CCNJL: variants seen among roughly 807,000 people sequenced by gnomAD.
CCNJL encodes the protein cyclin-J-like protein.
A neutral mutation model predicts 33.4 loss-of-function variants in CCNJL; 33 were observed. The ratio of observed to expected loss-of-function variants is 0.99; its 90% confidence interval spans 0.75 to 1.32. The LOEUF is 1.32. CCNJL is among the 40% of genes most tolerant of loss of function. CCNJL has a pLI of 0.00. For missense variants in CCNJL, 512 were observed against 499.7 expected (o/e 1.02, Z -0.23); for synonymous variants, 227 against 220.9 (o/e 1.03, Z -0.24).
chr5:160,255,812 A>T (rs1046102665), intron 4 of CCNJL, 104 bp from the exon 5 acceptor site: 3 of 947,978 alleles, frequency 3.2e-6, no homozygotes, highest in Non-Finnish European at 4.9e-6. Context: ...AAGGCTTTTC[A>T]TCGCTGCCCT....
intron 2 of CCNJL, among the ~76,000 whole-genome samples, chr5:160,282,193 A>G (rs1399617524): frequency 6.6e-6 from 1 of 152,168 alleles, no homozygotes. Context: ...CTAGAAAGGG[A>G]TATCTGCTCA....
Position 160,307,146 on chromosome 5 carries a change from G to T in CCNJL, c.66+4712C>A, listed in dbSNP as rs1316316754. 2.0e-5 allele frequency among the ~76,000 whole-genome samples: 3 copies of T among 152,216 alleles called. No homozygotes were observed. In the East Asian group the frequency reaches 5.8e-4, roughly 29 times the overall value. ...CATTTCCCAGAAGAGTCCATTTGGG[G>T]CTGTCTCACTCTTTTGTGCACTCCC... On this transcript the variant is annotated intron_variant, in intron 2 of 5. Transcript: ENST00000257536.
intron 4 of CCNJL, 69 bp downstream of exon 4, chr5:160,259,400 C>A (rs1443158714): frequency 7.6e-6 from 11 of 1,451,224 alleles, no homozygotes; most frequent in Non-Finnish European, 1.0e-5. Context: ...CCTTTTAGAG[C>A]CGCCTGACCC....
At chr5:160,258,478 T>C (rs1761169413) in intron 4 of CCNJL, 8 of 1,237,396 alleles carry the variant, frequency 6.5e-6, no homozygotes, top group East Asian at 2.3e-5. Flanking sequence ...GCATCAGATC[T>C]TGCCTAAAGA....
At chr5:160,272,060 C>T (rs1364987667) in intron 3 of CCNJL, among the ~76,000 whole-genome samples, 1 of 152,194 alleles carries the variant, frequency 6.6e-6, no homozygotes, top group Admixed American at 6.5e-5. Flanking sequence ...CAATTAGAGC[C>T]GTGGAGGCAT....
In CCNJL at chr5:160,311,766, G is replaced by C. The variant is rs1421808251; in HGVS notation, c.66+92C>G. 22 of 1,229,994 alleles carry C rather than the reference G, an allele frequency of 1.8e-5. 1 individual carries two copies. Among genetic ancestry groups the C allele is most frequent in the Non-Finnish European group, 2.6e-5 (22 of 831,302 alleles). The allele number at this position is 1,229,994 out of a possible 1,614,324, so 76.2% of individuals were successfully genotyped here. On this transcript the variant is annotated intron_variant, in intron 2 of 5. Transcript: ENST00000257536. ...GGAAAAAAAGGCACCCGGGAGTTCT[G>C]AGTTCCCACGCAGGCGACCTGAGAA...
intron 3 of CCNJL, among the ~76,000 whole-genome samples, chr5:160,263,381 G>C (rs1235185932): frequency 6.6e-6 from 1 of 152,158 alleles, no homozygotes; most frequent in East Asian, 1.9e-4. Flanking sequence ...TATAACCTTT[G>C]TTTTGTGTTT....
chr5:160,279,943 T>C (rs892318744), intron 3 of CCNJL, among the ~76,000 whole-genome samples: 1 of 152,216 alleles, frequency 6.6e-6, no homozygotes, highest in East Asian at 1.9e-4. Flanking sequence ...GACAGACAGA[T>C]GGTCAAAGCT....
At chr5:160,260,097 T>C (rs1248971486) in intron 3 of CCNJL, among the ~76,000 whole-genome samples, 1 of 152,192 alleles carries the variant, frequency 6.6e-6, no homozygotes, top group Non-Finnish European at 1.5e-5. Flanking sequence ...CAGACAAGCC[T>C]CTGGAACACA....
intron 3 of CCNJL, among the ~76,000 whole-genome samples, chr5:160,278,131 T>C (rs1050147934): frequency 6.6e-6 from 1 of 152,170 alleles, no homozygotes; most frequent in Non-Finnish European, 1.5e-5. Context: ...GGTCTCAAAC[T>C]TCTGACCTCA....
intron 1 of CCNJL, among the ~76,000 whole-genome samples, chr5:160,330,592 G>A (rs73819831): frequency 0.028 from 4,249 of 152,244 alleles, 191 homozygotes; most frequent in African/African-American, 0.096. Flanking sequence ...CTGGCCACCA[G>A]GTCACCCCTG....
chr5:160,307,426 A>G (rs541092593), intron 2 of CCNJL, among the ~76,000 whole-genome samples: 33 of 152,264 alleles, frequency 2.2e-4, no homozygotes, highest in African/African-American at 7.7e-4. Flanking sequence ...CATACCATCC[A>G]ATGCTCTCGT....
chr5:160,293,613 C>A (rs1369998871), intron 2 of CCNJL, among the ~76,000 whole-genome samples: 5 of 152,020 alleles, frequency 3.3e-5, no homozygotes, highest in African/African-American at 1.2e-4. Context: ...ATGTCCACTT[C>A]TCTCTCTCTC....
At chr5:160,298,769 C>T (rs995978198) in intron 2 of CCNJL, among the ~76,000 whole-genome samples, 8 of 152,024 alleles carry the variant, frequency 5.3e-5, no homozygotes, top group Non-Finnish European at 8.8e-5. Flanking sequence ...ACAACATTAG[C>T]GAAGTGTATA....
intron 1 of CCNJL, among the ~76,000 whole-genome samples, chr5:160,325,013 C>A (rs1020719325): frequency 2.6e-5 from 4 of 152,202 alleles, no homozygotes; most frequent in African/African-American, 9.7e-5. Context: ...TCCAGGCCTG[C>A]CTCTGCCCTA....
intron 4 of CCNJL, among the ~76,000 whole-genome samples, chr5:160,257,293 G>T (rs1366672296): frequency 6.6e-6 from 1 of 151,714 alleles, no homozygotes; most frequent in African/African-American, 2.4e-5. Flanking sequence ...GGCTGACACG[G>T]TGAAACCCCA....
rs914323691 is a variant in CCNJL at position 160,252,169 on chromosome 5, A to G, written c.*1209T>C. The stretch of plus-strand genomic sequence containing the variant: ...TGCTGAGCACAAGCTGCGAGTCAGA[A>G]TAAAAACATATTGCACATGGTTACA... On this transcript the variant is annotated 3_prime_UTR_variant, in exon 6 of 6. Transcript: ENST00000257536. The G allele has an allele frequency of 6.5e-6, 1 of 152,708 alleles. No homozygotes were observed. Among genetic ancestry groups the G allele is most frequent in the Non-Finnish European group, 1.5e-5 (1 of 68,060 alleles). The allele number at this position is 152,708 out of a possible 1,614,324, so 9.5% of individuals were successfully genotyped here.
chr5:160,280,929 G>T lies in CCNJL; in HGVS notation c.67-191C>A, dbSNP rs905993455. The T allele has an allele frequency of 7.2e-6, 5 of 691,778 alleles. No individual in the cohort carries two copies. The Admixed American group carries it at 1.0e-4, about 14-fold the overall frequency. 42.9% of individuals were successfully genotyped at this position (691,778 alleles called of 1,614,324 possible). On this transcript the variant is annotated intron_variant, in intron 2 of 5. Coordinates refer to ENST00000257536, the MANE Select transcript of CCNJL (RefSeq NM_001308173.3). ...TCCCATCTGCTTTCACTAAGCACAG[G>T]CTCATAAAGTATCAAGGACCTAGAG... is the stretch of plus-strand genomic sequence containing the variant.
At chr5:160,302,773 C>T (rs1264975397) in intron 2 of CCNJL, among the ~76,000 whole-genome samples, 1 of 151,598 alleles carries the variant, frequency 6.6e-6, no homozygotes, top group Non-Finnish European at 1.5e-5. Flanking sequence ...GATCATGCCA[C>T]TGCACTTCAG....
Sources: allele counts gnomAD v4.1 joint callset (sites outside exome capture counted in the v4.1 genomes callset), GRCh38; gene constraint gnomAD v4.1.1; transcripts MANE v1.5; gene names NCBI Gene and HGNC (gene_info 2026-07-23, HGNC 2026-07-21).